The following FAM177A1 variants were observed in gnomAD, a reference collection of about 807,000 sequenced individuals.
The protein encoded by FAM177A1 is protein FAM177A1.
Under a neutral mutation model 26.1 loss-of-function variants are expected in FAM177A1, and 22 were observed. The observed-to-expected ratio is 0.84, with a 90% confidence interval of 0.60 to 1.20. The LOEUF (loss-of-function observed/expected upper bound fraction) is 1.20, where lower values mean the gene tolerates loss of function less well. Ranked by LOEUF, FAM177A1 falls within the 50% of genes most tolerant of loss-of-function variation. FAM177A1 has a pLI of 0.00. For synonymous variants in FAM177A1, 95 were observed against 99.3 expected, an observed-to-expected ratio of 0.96 and a Z score of 0.26; for missense variants, 296 against 291.1, an observed-to-expected ratio of 1.02 and a Z score of -0.12.
intron 2 of FAM177A1, among the ~76,000 whole-genome samples, chr14:35,064,368 C>G (rs1476854351): frequency 6.6e-6 from 1 of 152,170 alleles, no homozygotes; most frequent in African/African-American, 2.4e-5. Context: ...GCCTGGGCAA[C>G]AGAACATGAC....
rs148889643 is a variant in FAM177A1, at chr14:35,078,752, C to T, written c.407-175C>T. On this transcript the variant is annotated intron_variant, in intron 3 of 4. Coordinates refer to ENST00000280987, the MANE Select transcript of FAM177A1 (RefSeq NM_173607.5). ...GACTTGTTGGGAGTTTTGAAGCCACCGGTACTTCTTGAAGAAAATCAGGGA... is the reference window on the plus strand; with the variant it reads ...GACTTGTTGGGAGTTTTGAAGCCACTGGTACTTCTTGAAGAAAATCAGGGA... 3.7e-4 allele frequency among the ~76,000 whole-genome samples: 57 copies of T among 152,212 alleles called. 1 individual carries two copies. In the East Asian group the frequency reaches 4.4e-3, roughly 12 times the overall value.
intron 2 of FAM177A1, among the ~76,000 whole-genome samples, 168 bp from the exon 3 acceptor site, chr14:35,076,982 G>A (rs1461599149): frequency 6.6e-6 from 1 of 151,822 alleles, no homozygotes; most frequent in Non-Finnish European, 1.5e-5. Context: ...ATATCTTTGT[G>A]GAATTTTAAC....
At chr14:35,053,812 C>G (rs1187397504) in intron 2 of FAM177A1, among the ~76,000 whole-genome samples, 2 of 151,952 alleles carry the variant, frequency 1.3e-5, no homozygotes, top group Admixed American at 6.6e-5. Context: ...GCCAACATGG[C>G]AAAACGCCAT....
chr14:35,046,357 C>A lies in FAM177A1; in HGVS notation c.-107C>A, dbSNP rs1351027725. 1.5e-6 allele frequency: 2 copies of A among 1,297,098 alleles called. No homozygotes were observed. Among genetic ancestry groups the A allele is most frequent in the South Asian group, 3.4e-5 (2 of 58,338 alleles). The allele number at this position is 1,297,098 out of a possible 1,614,324, so 80.3% of individuals were successfully genotyped here. A position where few individuals can be genotyped will look rare whatever the true frequency, so the allele number is the denominator to read the frequency against. ...GGCCCCGCCCCTCAGGCCGGCGAGT[C>A]CCCTTCTCAGAGACTTGGCTAGGCG... is the stretch of plus-strand genomic sequence containing the variant. On this transcript the variant is annotated 5_prime_UTR_variant, in exon 1 of 5. Transcript: ENST00000280987.
chr14:35,080,755 A>G (rs2045468548), intron 4 of FAM177A1, among the ~76,000 whole-genome samples: 1 of 152,016 alleles, frequency 6.6e-6, no homozygotes, highest in South Asian at 2.1e-4. Context: ...GAGCCACTGC[A>G]CTCCAGCCTG....
chr14:35,073,794 A>T (rs892720422), intron 2 of FAM177A1, among the ~76,000 whole-genome samples: 1 of 152,204 alleles, frequency 6.6e-6, no homozygotes, highest in Non-Finnish European at 1.5e-5. Context: ...TAGTAGAGTT[A>T]GCCTATCCCT....
chr14:35,080,733 G>A (rs1261415300), intron 4 of FAM177A1, among the ~76,000 whole-genome samples: 1 of 152,044 alleles, frequency 6.6e-6, no homozygotes, highest in Non-Finnish European at 1.5e-5. Context: ...CCTGGGAGAT[G>A]GAGGTTGCAG....
intron 2 of FAM177A1, chr14:35,054,531 G>A (rs1249621220): frequency 6.6e-6 from 1 of 152,062 alleles, no homozygotes; most frequent in Non-Finnish European, 1.5e-5. Flanking sequence ...CTAGTGAGAA[G>A]ACAGGCAATA....
intron 2 of FAM177A1, among the ~76,000 whole-genome samples, chr14:35,074,068 C>T (rs2045360121): frequency 6.6e-6 from 1 of 152,180 alleles, no homozygotes. Context: ...GCATTAAATT[C>T]TCCAGCTTTA....
At chr14:35,070,212 G>T (rs28404080) in intron 2 of FAM177A1, among the ~76,000 whole-genome samples, 25,216 of 143,740 alleles carry the variant, frequency 0.18, 2,363 homozygotes, top group East Asian at 0.32. Flanking sequence ...TACCTTAGAT[G>T]TACCTTAAGG....
intron 1 of FAM177A1, among the ~76,000 whole-genome samples, chr14:35,047,384 C>G (rs530955093): frequency 1.3e-5 from 2 of 152,314 alleles, no homozygotes; most frequent in Admixed American, 6.5e-5. Context: ...TATCGCAGTT[C>G]TGGCTGACCA....
At chr14:35,074,288 G>A (rs1595055875) in intron 2 of FAM177A1, among the ~76,000 whole-genome samples, 1 of 151,932 alleles carries the variant, frequency 6.6e-6, no homozygotes, top group South Asian at 2.1e-4. Flanking sequence ...GGGATCACAG[G>A]CGTGTGCCAC....
At position 35,046,567 on chromosome 14, in the gene FAM177A1, G is replaced by A; in HGVS notation, c.104G>A (p.Gly35Glu). The A allele has an allele frequency of 4.4e-6, 7 of 1,583,054 alleles. No individual in the cohort carries two copies. The highest frequency in any genetic ancestry group is 6.0e-6 in the Non-Finnish European group (7 of 1,166,958). The change falls in exon 1 of 5, where the codon GGA becomes GAA. Residue 35 changes from glycine to glutamate, a missense_variant. Transcript: ENST00000280987. ...GAGCCAGTGGGCGGTGTGGAACGAG[G>A]AGAAGCCGTCGCAGCCTCGGGAGCT... ...DQEPVGGVER[G>E]EAVAASGAAA...
chr14:35,077,539 G>T (rs1480246116), intron 3 of FAM177A1, among the ~76,000 whole-genome samples: 3 of 135,166 alleles, frequency 2.2e-5, no homozygotes, highest in Non-Finnish European at 4.6e-5. Flanking sequence ...GCGGACTGCA[G>T]TGGCACAATC....
At chr14:35,076,417 G>C (rs2045396624) in intron 2 of FAM177A1, among the ~76,000 whole-genome samples, 1 of 150,544 alleles carries the variant, frequency 6.6e-6, no homozygotes, top group South Asian at 2.1e-4. Context: ...ACAGGAAGGG[G>C]AACATCACAC....
intron 2 of FAM177A1, among the ~76,000 whole-genome samples, chr14:35,070,667 C>T (rs146085019): frequency 2.6e-5 from 4 of 152,114 alleles, no homozygotes; most frequent in Admixed American, 6.6e-5. Flanking sequence ...ATTGCTACTG[C>T]ATATTTATAG....
Position 35,066,157 on chromosome 14 carries a change from C to T in FAM177A1, c.340-10993C>T, listed in dbSNP as rs554178830. Among the ~76,000 whole-genome samples the T allele has an allele frequency of 1.8e-4, 27 of 151,518 alleles. No individual in the cohort carries two copies. The South Asian group carries it at 5.4e-3, about 31-fold the overall frequency. Reference sequence around the variant, plus strand: ...TGATGGCTCACTGTAGCCTTGACCTCCTGGGCTCAAACGATCTTTCCACCT... The same window carrying T: ...TGATGGCTCACTGTAGCCTTGACCTTCTGGGCTCAAACGATCTTTCCACCT... On this transcript the variant is annotated intron_variant, in intron 2 of 4. Coordinates refer to ENST00000280987, the MANE Select transcript of FAM177A1 (RefSeq NM_173607.5).
chr14:35,066,791 T>A (rs191656539), intron 2 of FAM177A1, among the ~76,000 whole-genome samples: 6 of 148,704 alleles, frequency 4.0e-5, no homozygotes, highest in African/African-American at 1.2e-4. Context: ...TAGAGGCTTT[T>A]GAATCTTGAA....
At chr14:35,067,995 G>T (rs1302150473) in intron 2 of FAM177A1, among the ~76,000 whole-genome samples, 1 of 152,130 alleles carries the variant, frequency 6.6e-6, no homozygotes, top group Non-Finnish European at 1.5e-5. Flanking sequence ...TGTGTTGATT[G>T]TTTCTTTTAC....
Sources: allele counts gnomAD v4.1 joint callset (sites outside exome capture counted in the v4.1 genomes callset), GRCh38; gene constraint gnomAD v4.1.1; transcripts MANE v1.5; gene names NCBI Gene and HGNC (gene_info 2026-07-23, HGNC 2026-07-21).